Variants in SPIDR observed in about 807,000 individuals in gnomAD.
SPIDR encodes DNA repair-scaffolding protein.
Under a neutral mutation model 104.6 loss-of-function variants are expected in SPIDR, and 93 were observed. The observed-to-expected ratio is 0.89, with a 90% confidence interval of 0.75 to 1.06. The LOEUF (loss-of-function observed/expected upper bound fraction) is 1.06, where lower values mean the gene tolerates loss of function less well. Among genes scored for constraint, SPIDR ranks in the 50% least tolerant of loss-of-function variants. The pLI is 0.00. For synonymous variants in SPIDR, 431 were observed against 416.9 expected (o/e 1.03, Z -0.41); for missense variants, 1,154 against 1,111.2 (o/e 1.04, Z -0.55).
intron 11 of SPIDR, among the ~76,000 whole-genome samples, chr8:47,674,463 T>C (rs985494672): frequency 9.2e-5 from 14 of 152,232 alleles, no homozygotes; most frequent in African/African-American, 3.4e-4. Context: ...TATCTGTGCC[T>C]GTTACATCTC....
At chr8:47,512,462 CT>C (rs778532729) in intron 8 of SPIDR, among the ~76,000 whole-genome samples, 1 of 152,200 alleles carries the variant, frequency 6.6e-6, no homozygotes, top group African/African-American at 2.4e-5. Context: ...TCTGTTCCCC[CT>C]CTCTCTGTTT....
chr8:47,571,883 T>C (rs1445218954), intron 8 of SPIDR, among the ~76,000 whole-genome samples: 2 of 152,184 alleles, frequency 1.3e-5, no homozygotes, highest in African/African-American at 2.4e-5. Context: ...TTTCGTACCT[T>C]GGTGTTCTGA....
intron 5 of SPIDR, among the ~76,000 whole-genome samples, chr8:47,306,250 T>G (rs968197496): frequency 1.6e-4 from 25 of 152,174 alleles, no homozygotes; most frequent in African/African-American, 5.6e-4. Context: ...CAAGTGATTG[T>G]TGTGCCTTGG....
At chr8:47,490,003 G>C (rs1419269333) in intron 8 of SPIDR, among the ~76,000 whole-genome samples, 4 of 152,254 alleles carry the variant, frequency 2.6e-5, no homozygotes, top group Admixed American at 2.0e-4. Context: ...TTGACAAATG[G>C]GGTCTAATTA....
chr8:47,470,333 G>T (rs1211920644), intron 8 of SPIDR, among the ~76,000 whole-genome samples: 1 of 152,058 alleles, frequency 6.6e-6, no homozygotes, highest in Non-Finnish European at 1.5e-5. Flanking sequence ...CTGCCGTCCA[G>T]CCTGGAGTGC....
chr8:47,469,042 G>A (rs1554719259), intron 8 of SPIDR, among the ~76,000 whole-genome samples: 3 of 151,816 alleles, frequency 2.0e-5, no homozygotes, highest in Non-Finnish European at 2.9e-5. Context: ...GACATGAACA[G>A]ACACTTTTCA....
chr8:47,671,262 T>G (rs2075756715), intron 10 of SPIDR, among the ~76,000 whole-genome samples: 1 of 152,056 alleles, frequency 6.6e-6, no homozygotes, highest in Non-Finnish European at 1.5e-5. Context: ...GTTCTGTAGG[T>G]AGAAAATGCT....
At chr8:47,410,544 C>T (rs782630509) in intron 7 of SPIDR, among the ~76,000 whole-genome samples, 10 of 151,868 alleles carry the variant, frequency 6.6e-5, no homozygotes, top group African/African-American at 2.2e-4. Context: ...TGTTTCTTGG[C>T]GTTTTTTTAT....
chr8:47,476,275 C>G (rs1246593958), intron 8 of SPIDR, among the ~76,000 whole-genome samples: 1 of 152,150 alleles, frequency 6.6e-6, no homozygotes, highest in Admixed American at 6.5e-5. Context: ...TATAAGAGCA[C>G]TGGCATTGGA....
At chr8:47,470,177 C>G (rs1335164967) in intron 8 of SPIDR, among the ~76,000 whole-genome samples, 1 of 152,188 alleles carries the variant, frequency 6.6e-6, no homozygotes, top group Non-Finnish European at 1.5e-5. Context: ...GCAATTAAAA[C>G]AGTAGGGTAC....
At position 47,733,709 on chromosome 8, in the gene SPIDR, G is replaced by T. The variant is rs143804927; in HGVS notation, c.2605-1598G>T. The stretch of plus-strand genomic sequence containing the variant: ...TGTCCTGCTCACTGCCATCTCTTCA[G>T]TGACGGGCCCACATGGGATCATAAT... On this transcript the variant is annotated intron_variant, in intron 19 of 19. Coordinates refer to ENST00000297423, the MANE Select transcript of SPIDR (RefSeq NM_001080394.4). Among the ~76,000 whole-genome samples the T allele has an allele frequency of 2.6e-5, 4 of 152,130 alleles. 1 individual carries two copies. Among genetic ancestry groups the T allele is most frequent in the Non-Finnish European group, 2.9e-5 (2 of 68,010 alleles).
intron 10 of SPIDR, among the ~76,000 whole-genome samples, chr8:47,622,290 G>A (rs2065274542): frequency 6.6e-6 from 1 of 152,174 alleles, no homozygotes. Context: ...TTGATAACTT[G>A]GAAAATAATA....
At chr8:47,384,765 C>G (rs1005475858) in intron 5 of SPIDR, among the ~76,000 whole-genome samples, 1 of 152,192 alleles carries the variant, frequency 6.6e-6, no homozygotes, top group Admixed American at 6.5e-5. Context: ...CTCAGATCCT[C>G]TGCTAAAAAA....
intron 11 of SPIDR, among the ~76,000 whole-genome samples, chr8:47,685,543 C>T (rs1413996181): frequency 2.1e-5 from 3 of 140,250 alleles, no homozygotes; most frequent in East Asian, 2.2e-4. Flanking sequence ...CTCTCTCTGT[C>T]GCCCAGGCTG....
At chr8:47,290,970 T>C in intron 3 of SPIDR, 63 bp from the exon 4 acceptor site, 5 of 1,284,790 alleles carry the variant, frequency 3.9e-6, no homozygotes, top group Middle Eastern at 1.9e-4. Flanking sequence ...ATGCATAAAA[T>C]TGTATTCTGA....
Position 47,485,950 on chromosome 8 carries a change from C to T in SPIDR, c.1097+45408C>T, listed in dbSNP as rs528405821. Among the ~76,000 whole-genome samples, 2 of 152,298 alleles carry T rather than the reference C, an allele frequency of 1.3e-5. 1 individual carries two copies. Among genetic ancestry groups the T allele is most frequent in the African/African-American group, 4.8e-5 (2 of 41,560 alleles). Reference sequence around the variant, plus strand: ...TTCTACAAATCAGAGCGCCTGTCCCCCTCTAAAGGAATGCAGCTCCTCGCC... The same window carrying T: ...TTCTACAAATCAGAGCGCCTGTCCCTCTCTAAAGGAATGCAGCTCCTCGCC... On this transcript the variant is annotated intron_variant, in intron 8 of 19. Coordinates refer to ENST00000297423, the MANE Select transcript of SPIDR (RefSeq NM_001080394.4).
intron 8 of SPIDR, among the ~76,000 whole-genome samples, chr8:47,501,851 G>GA (rs1215698050): frequency 6.6e-6 from 1 of 152,166 alleles, no homozygotes; most frequent in East Asian, 1.9e-4. Flanking sequence ...TTTTTAGCAT[G>GA]AAGGGTTGTT....
rs367958975 is a variant in SPIDR, at chr8:47,459,807, G to A, written c.1097+19265G>A. 5.9e-5 allele frequency among the ~76,000 whole-genome samples: 9 copies of A among 152,140 alleles called. No homozygotes were observed. The South Asian group carries it at 6.2e-4, about 11-fold the overall frequency. On this transcript the variant is annotated intron_variant, in intron 8 of 19. Transcript: ENST00000297423. ...GTTTCCTCTTACCACCACCTTTGCC[G>A]TCTCCCAGGGCTTTTGATAGGTTGT... is the stretch of plus-strand genomic sequence containing the variant.
chr8:47,466,882 T>G (rs1455267192), intron 8 of SPIDR, among the ~76,000 whole-genome samples: 1 of 74,100 alleles, frequency 1.3e-5, no homozygotes, highest in Non-Finnish European at 3.0e-5. Context: ...GAGTTAGTTT[T>G]TTTTGAAAAA....
Sources: gnomAD v4.1 joint callset for allele counts (sites outside exome capture counted in the v4.1 genomes callset) on GRCh38, gnomAD v4.1.1 for gene constraint, MANE v1.5 for transcripts, NCBI Gene and HGNC (gene_info 2026-07-23, HGNC 2026-07-21) for gene names.